PIK3C2B: variants seen among roughly 807,000 people sequenced by gnomAD.
PIK3C2B encodes phosphatidylinositol 4-phosphate 3-kinase C2 domain-containing subunit beta.
PIK3C2B carries 83 observed loss-of-function variants against 184.3 expected under a neutral mutation model. The ratio of observed to expected loss-of-function variants is 0.45; its 90% CI spans 0.38 to 0.54. The LOEUF is 0.54. Ranked by LOEUF, PIK3C2B falls within the 20% of genes least tolerant of loss-of-function variation. PIK3C2B has a pLI of 0.00. For synonymous variants in PIK3C2B, 779 were observed against 837.6 expected (o/e 0.93, Z 1.21); for missense variants, 1,736 against 2,113.5 (o/e 0.82, Z 3.50).
chr1:204,475,261 G>A (rs917653877), intron 1 of PIK3C2B, among the ~76,000 whole-genome samples: 4 of 152,118 alleles, frequency 2.6e-5, no homozygotes, highest in African/African-American at 9.7e-5. Context: ...AACCATTCAT[G>A]ACCACGTATG....
chr1:204,481,922 C>G (rs1236360816), intron 1 of PIK3C2B, among the ~76,000 whole-genome samples: 1 of 152,162 alleles, frequency 6.6e-6, no homozygotes, highest in African/African-American at 2.4e-5. Flanking sequence ...CAGAGAAAAA[C>G]AGAAAAATGA....
Position 204,467,842 on chromosome 1 carries a change from A to AAAAAAAAG in PIK3C2B, c.933+1027_933+1028insCTTTTTTT, listed in dbSNP as rs1184344055. 5.3e-5 allele frequency among the ~76,000 whole-genome samples: 8 copies of AAAAAAAAG among 150,536 alleles called. 1 individual carries two copies. The highest frequency in any genetic ancestry group is 9.7e-5 in the African/African-American group (4 of 41,134). ...GAGTGAGACTCTGTCTCAAAAAAAA[A>AAAAAAAAG]AAAAAAAAGAAGGCATCAGCCATGG... is the stretch of plus-strand genomic sequence containing the variant. On this transcript the variant is annotated intron_variant, in intron 2 of 32. Coordinates refer to ENST00000684373, the MANE Select transcript of PIK3C2B (RefSeq NM_001377334.1).
At chr1:204,473,189 G>A (rs1370910831) in intron 1 of PIK3C2B, among the ~76,000 whole-genome samples, 1 of 152,188 alleles carries the variant, frequency 6.6e-6, no homozygotes, top group Non-Finnish European at 1.5e-5. Context: ...TTACCCTGGG[G>A]TGCCCTCCCA....
intron 1 of PIK3C2B, among the ~76,000 whole-genome samples, chr1:204,486,494 G>A (rs1366486239): frequency 1.3e-5 from 2 of 152,016 alleles, no homozygotes. Context: ...ATTTTGGGAG[G>A]CTGAGGCAGA....
rs1019749230 is a variant in PIK3C2B, at chr1:204,449,201, T to C, written c.2330A>G (p.Asp777Gly). Residue 777 changes from aspartate (D) to glycine (G), a missense_variant, in exon 14 of 33, where the codon GAC (aspartate) becomes GGC (glycine). By Grantham distance (94) the Asp-to-Gly change is moderately conservative. Transcript: ENST00000684373. ...RWSAPNFHQP[D>G]SVILQIDFPT... ...AAGCCTCACCTGCAGGATGACACTG[T>C]CTGGCTGGTGGAAATTAGGTGCACT... 2 of 1,611,264 alleles carry C rather than the reference T, an allele frequency of 1.2e-6. No individual in the cohort carries two copies. The highest frequency in any genetic ancestry group is 1.7e-6 in the Non-Finnish European group (2 of 1,178,790).
chr1:204,443,941 C>A, intron 18 of PIK3C2B, 127 bp downstream of exon 18: 1 of 715,392 alleles, frequency 1.4e-6, no homozygotes, highest in Non-Finnish European at 2.5e-6. Context: ...TGGTCCAAGG[C>A]CACAGGGTAA....
At chr1:204,472,711 C>T (rs1201141461) in intron 1 of PIK3C2B, among the ~76,000 whole-genome samples, 5 of 152,020 alleles carry the variant, frequency 3.3e-5, no homozygotes, top group African/African-American at 4.8e-5. Flanking sequence ...ACCCGGGAGG[C>T]GGAGGTTGCA....
At chr1:204,430,083 G>A (rs761214631) in intron 28 of PIK3C2B, 45 bp from the exon 29 acceptor site, 1 of 1,266,040 alleles carries the variant, frequency 7.9e-7, no homozygotes, top group Admixed American at 1.8e-5. Flanking sequence ...GGTGAAGATG[G>A]GGAAAGAAAA....
rs1654133252 is a variant in PIK3C2B at position 204,449,184 on chromosome 1, C to T, written c.2346+1G>A. ...CTGGGAGGGAAGGGCTAAAGCCTCACCTGCAGGATGACACTGTCTGGCTGG... is the reference window on the plus strand; with the variant it reads ...CTGGGAGGGAAGGGCTAAAGCCTCATCTGCAGGATGACACTGTCTGGCTGG... On this transcript the variant is annotated splice_donor_variant, in intron 14 of 32. Coordinates refer to ENST00000684373, the MANE Select transcript of PIK3C2B (RefSeq NM_001377334.1). LOFTEE classifies it high-confidence loss of function. 1 of 1,601,048 alleles carries T rather than the reference C, an allele frequency of 6.2e-7. No homozygotes were observed. The highest frequency in any genetic ancestry group is 1.3e-5 in the African/African-American group (1 of 74,702).
intron 12 of PIK3C2B, chr1:204,450,238 G>A (rs895142642): frequency 2.0e-6 from 1 of 501,192 alleles, no homozygotes; most frequent in South Asian, 3.0e-5. Flanking sequence ...GGTGTCCTTG[G>A]AGCTTTGCAG....
intron 12 of PIK3C2B, among the ~76,000 whole-genome samples, chr1:204,450,880 A>C (rs1299858441): frequency 1.3e-5 from 2 of 152,146 alleles, no homozygotes; most frequent in Non-Finnish European, 2.9e-5. Context: ...CCCTGGGCCA[A>C]AGTCCATACT....
At chr1:204,461,607 C>T (rs1012119735) in intron 5 of PIK3C2B, among the ~76,000 whole-genome samples, 1 of 152,118 alleles carries the variant, frequency 6.6e-6, no homozygotes, top group Non-Finnish European at 1.5e-5. Flanking sequence ...GGCCCAGGGT[C>T]GTCTAGGTCC....
chr1:204,436,271 T>C (rs747020674), intron 23 of PIK3C2B, among the ~76,000 whole-genome samples: 4 of 152,160 alleles, frequency 2.6e-5, no homozygotes, highest in Non-Finnish European at 5.9e-5. Flanking sequence ...GGCTCATGCC[T>C]GTAATCCCAG....
chr1:204,458,682 T>TG (rs1336477277), intron 8 of PIK3C2B, among the ~76,000 whole-genome samples: 2 of 151,978 alleles, frequency 1.3e-5, no homozygotes, highest in Non-Finnish European at 2.9e-5. Flanking sequence ...TTAGTAGAGA[T>TG]GGGGCTTCAC....
At chr1:204,439,099 T>A (rs770775645) in intron 22 of PIK3C2B, 28 bp from the exon 23 acceptor site, 2 of 1,609,794 alleles carry the variant, frequency 1.2e-6, no homozygotes, top group South Asian at 2.2e-5. Flanking sequence ...GGGGTCACGT[T>A]CCAGACCAGA....
In PIK3C2B at chr1:204,433,310, T is replaced by C; in HGVS notation, c.3953+6A>G. ...CAGTGCTGATTCGCTCAGGGAATCA[T>C]TTTACCTAGTGAAGTAGGTAGTGGC... On this transcript the variant is annotated splice_donor_region_variant and intron_variant, in intron 26 of 32. Transcript: ENST00000684373. The surrounding 1 kb of genome is among the most constrained non-coding windows in gnomAD (Gnocchi z 5.0). 6.9e-7 allele frequency: 1 copy of C among 1,458,460 alleles called. No individual in the cohort carries two copies. The highest frequency in any genetic ancestry group is 9.6e-7 in the Non-Finnish European group (1 of 1,038,902). The allele number at this position is 1,458,460 out of a possible 1,614,324, so 90.3% of individuals were successfully genotyped here.
intron 12 of PIK3C2B, among the ~76,000 whole-genome samples, chr1:204,454,221 G>A (rs1410780199): frequency 4.0e-5 from 6 of 148,656 alleles, no homozygotes; most frequent in Non-Finnish European, 4.5e-5. Context: ...GGTGGCTCAC[G>A]CCTGTAATCC....
At chr1:204,450,651 C>T (rs1303042164) in intron 12 of PIK3C2B, among the ~76,000 whole-genome samples, 1 of 152,130 alleles carries the variant, frequency 6.6e-6, no homozygotes, top group Non-Finnish European at 1.5e-5. Context: ...TCCAAGTACC[C>T]CAGTGGTGAG....
intron 16 of PIK3C2B, among the ~76,000 whole-genome samples, chr1:204,445,641 T>C (rs6594012): frequency 0.18 from 26,503 of 148,092 alleles, 2,864 homozygotes; most frequent in East Asian, 0.45. Flanking sequence ...GATGGATAGA[T>C]GGATGGATAC....
Sources: gnomAD v4.1 joint callset for allele counts (sites outside exome capture counted in the v4.1 genomes callset) on GRCh38, gnomAD v4.1.1 for gene constraint, Gnocchi (gnomAD v3.1) non-coding constraint, MANE v1.5 for transcripts, NCBI Gene and HGNC (gene_info 2026-07-23, HGNC 2026-07-21) for gene names.